The following RGS10 variants were observed in gnomAD, a reference collection of about 807,000 sequenced individuals.
The protein encoded by RGS10 is regulator of G protein signaling 10.
RGS10 carries 11 observed loss-of-function variants against 23.5 expected under a neutral mutation model. The observed-to-expected ratio is 0.47, with a 90% CI of 0.29 to 0.77. The LOEUF (loss-of-function observed/expected upper bound fraction) is 0.77. Ranked by LOEUF, RGS10 falls within the 30% of genes least tolerant of loss-of-function variation. RGS10 has a pLI of 0.08. For synonymous variants in RGS10, 77 were observed against 83.2 expected (o/e 0.92, Z 0.41); for missense variants, 180 against 226.3 (o/e 0.80, Z 1.31).
intron 3 of RGS10, among the ~76,000 whole-genome samples, chr10:119,519,124 C>T (rs1488030991): frequency 3.3e-5 from 5 of 152,234 alleles, no homozygotes; most frequent in Non-Finnish European, 7.3e-5. Flanking sequence ...CTCCACCAGC[C>T]GGCTGACGCT....
At chr10:119,532,905 T>C (rs1844345819) in intron 1 of RGS10, among the ~76,000 whole-genome samples, 2 of 150,448 alleles carry the variant, frequency 1.3e-5, no homozygotes, top group South Asian at 4.2e-4. Flanking sequence ...CTGGTCATGG[T>C]GGTATGGGCC....
At chr10:119,529,043 C>A (rs565266923) in intron 1 of RGS10, among the ~76,000 whole-genome samples, 1 of 152,244 alleles carries the variant, frequency 6.6e-6, no homozygotes, top group South Asian at 2.1e-4. Context: ...CACACTTTGG[C>A]CACTTGCCTG....
intron 4 of RGS10, among the ~76,000 whole-genome samples, chr10:119,503,346 A>C (rs1564707425): frequency 6.6e-6 from 1 of 151,972 alleles, no homozygotes; most frequent in Non-Finnish European, 1.5e-5. Flanking sequence ...TCTCAAAAAA[A>C]AAAAAAAAAG....
rs56219523 is a variant in RGS10, at chr10:119,537,382, C to CA, written c.49+5207dup. Among the ~76,000 whole-genome samples the CA allele has an allele frequency of 5.8e-3, 756 of 131,338 alleles. 21 individuals are homozygous for CA. The highest frequency in any genetic ancestry group is 0.015 in the African/African-American group (525 of 34,694). The allele number at this position is 131,338 out of a possible 152,430, so 86.2% of individuals were successfully genotyped here. On this transcript the variant is annotated intron_variant, in intron 1 of 4. Coordinates refer to ENST00000369103, the MANE Select transcript of RGS10 (RefSeq NM_001005339.2). ...GGGCAACAAGAGTGAAACTCCGTCT[C>CA]AAAAAAAAAAAAAAGAAAAAGAAAA...
intron 1 of RGS10, among the ~76,000 whole-genome samples, chr10:119,534,826 G>C (rs1037437499): frequency 6.6e-6 from 1 of 151,736 alleles, no homozygotes; most frequent in Non-Finnish European, 1.5e-5. Context: ...GGAGGCGGAG[G>C]TTGCAGTGAG....
At chr10:119,508,558 G>A (rs1016921782) in intron 4 of RGS10, among the ~76,000 whole-genome samples, 1 of 152,236 alleles carries the variant, frequency 6.6e-6, no homozygotes, top group African/African-American at 2.4e-5. Context: ...TGTGCCAGAG[G>A]AGAATTTTGT....
chr10:119,537,733 T>G (rs1844402751), intron 1 of RGS10, among the ~76,000 whole-genome samples: 1 of 152,220 alleles, frequency 6.6e-6, no homozygotes, highest in Non-Finnish European at 1.5e-5. Context: ...TAGGCGGTTT[T>G]CTTCACTAGT....
intron 4 of RGS10, among the ~76,000 whole-genome samples, chr10:119,501,162 C>A (rs1028347472): frequency 6.6e-6 from 1 of 152,200 alleles, no homozygotes; most frequent in Non-Finnish European, 1.5e-5. Context: ...GAAAGAGAAG[C>A]ACAAAGCCTT....
At chr10:119,503,586 G>A (rs1474217088) in intron 4 of RGS10, among the ~76,000 whole-genome samples, 1 of 152,052 alleles carries the variant, frequency 6.6e-6, no homozygotes, top group Non-Finnish European at 1.5e-5. Context: ...GCAGCGTGTG[G>A]GCATTCTTTC....
chr10:119,503,100 G>A (rs544329766), intron 4 of RGS10, among the ~76,000 whole-genome samples: 56 of 152,230 alleles, frequency 3.7e-4, no homozygotes, highest in Admixed American at 8.5e-4. Flanking sequence ...AACTAAGGCC[G>A]GGTGCGGTGG....
chr10:119,522,547 A>G (rs11198994), intron 3 of RGS10, among the ~76,000 whole-genome samples: 5,580 of 152,172 alleles, frequency 0.037, 149 homozygotes, highest in East Asian at 0.094. Context: ...GGTGAAACCC[A>G]TCTCTACTAA....
rs924700177 is a variant in RGS10 at position 119,536,435 on chromosome 10, C to T, written c.49+6155G>A. 5 of 1,609,954 alleles carry T rather than the reference C, an allele frequency of 3.1e-6. No individual in the cohort carries two copies. In the African/African-American group the frequency reaches 6.7e-5, roughly 22 times the overall value. On this transcript the variant is annotated intron_variant, in intron 1 of 4. Coordinates refer to ENST00000369103, the MANE Select transcript of RGS10 (RefSeq NM_001005339.2). Reference sequence around the variant, plus strand: ...GCCAAGGCGACAGGCAAACTGCGGACATGGAAAGGGGTGGGGGCGATTCCT... The same window carrying T: ...GCCAAGGCGACAGGCAAACTGCGGATATGGAAAGGGGTGGGGGCGATTCCT...
In RGS10 at chr10:119,520,767, C is replaced by G. The variant is rs549435263; in HGVS notation, c.256-5115G>C. On this transcript the variant is annotated intron_variant, in intron 3 of 4. Coordinates refer to ENST00000369103, the MANE Select transcript of RGS10 (RefSeq NM_001005339.2). ...TGGAAAAATAAAAAAGCAGAAAAAA[C>G]TCAATAGGAGGATCTGAAGATGTAG... 2.8e-5 allele frequency among the ~76,000 whole-genome samples: 4 copies of G among 144,598 alleles called. No individual in the cohort carries two copies. The Admixed American group carries it at 2.8e-4, about 10-fold the overall frequency. The allele number at this position is 144,598 out of a possible 152,430, so 94.9% of individuals were successfully genotyped here.
At chr10:119,537,704 C>G (rs562536518) in intron 1 of RGS10, among the ~76,000 whole-genome samples, 8 of 152,252 alleles carry the variant, frequency 5.3e-5, no homozygotes, top group Non-Finnish European at 1.0e-4. Flanking sequence ...GGCCGCCTGC[C>G]CACAGTGCCA....
At chr10:119,539,795 A>C (rs1184443506) in intron 1 of RGS10, among the ~76,000 whole-genome samples, 4 of 152,176 alleles carry the variant, frequency 2.6e-5, no homozygotes, top group African/African-American at 9.7e-5. Flanking sequence ...GTCTCCAGTG[A>C]GATTTTGCTG....
chr10:119,506,169 G>A (rs1844010486), intron 4 of RGS10, among the ~76,000 whole-genome samples: 1 of 152,204 alleles, frequency 6.6e-6, no homozygotes, highest in African/African-American at 2.4e-5. Context: ...TGACGAGGCT[G>A]TCGGGGCAAG....
chr10:119,526,250 C>A (rs771839684), intron 2 of RGS10, 132 bp from the exon 3 acceptor site: 2 of 478,566 alleles, frequency 4.2e-6, no homozygotes, highest in South Asian at 9.1e-5. Context: ...CTTCGAAAAC[C>A]CCACTCTGAA....
chr10:119,519,546 C>T (rs1288705909), intron 3 of RGS10, among the ~76,000 whole-genome samples: 2 of 114,864 alleles, frequency 1.7e-5, no homozygotes, highest in Non-Finnish European at 3.6e-5. Context: ...CCTGTCTGTC[C>T]CCCAGCTCCT....
chr10:119,532,543 C>T (rs368884683), intron 1 of RGS10, among the ~76,000 whole-genome samples: 4 of 152,128 alleles, frequency 2.6e-5, no homozygotes, highest in African/African-American at 9.6e-5. Context: ...GGTGAAATCC[C>T]GTCTCCACAA....
Sources: gnomAD v4.1 joint callset for allele counts (sites outside exome capture counted in the v4.1 genomes callset) on GRCh38, gnomAD v4.1.1 for gene constraint, MANE v1.5 for transcripts, NCBI Gene and HGNC (gene_info 2026-07-23, HGNC 2026-07-21) for gene names.